ZFPM1: variants seen among roughly 807,000 people sequenced by gnomAD.
ZFPM1 encodes zinc finger protein, FOG family member 1.
In ZFPM1, 28 loss-of-function variants were observed where a neutral mutation model predicts 46.3. The ratio of observed to expected loss-of-function variants is 0.60; its 90% CI spans 0.45 to 0.83. ZFPM1 has a LOEUF of 0.83. Among genes scored for constraint, ZFPM1 ranks in the 40% least tolerant of loss-of-function variants. The pLI, the probability that ZFPM1 is intolerant of heterozygous loss-of-function variation, is 0.00. For synonymous variants in ZFPM1, 957 were observed against 675.9 expected (o/e 1.42, Z -6.45); for missense variants, 1,878 against 1,432.4 (o/e 1.31, Z -5.02).
At chr16:88,496,567 C>T (rs1268419509) in intron 3 of ZFPM1, among the ~76,000 whole-genome samples, 1 of 151,836 alleles carries the variant, frequency 6.6e-6, no homozygotes, top group Non-Finnish European at 1.5e-5. Context: ...CAGGGGGGCT[C>T]CCCTGGACCC....
chr16:88,533,530 G>A lies in ZFPM1; in HGVS notation c.1572G>A (p.Leu524=), dbSNP rs914767039. Residue 524 remains leucine, a synonymous_variant, in exon 10 of 10, where the codon CTG becomes CTA. Coordinates refer to ENST00000319555, the MANE Select transcript of ZFPM1 (RefSeq NM_153813.3). ...GCGAGCTGGGCCTGGCCGGGGCCCT[G>A]TTCCTTCCGCAGTACGTGTTCGGGC... ...VPGELGLAGA[L]FLPQYVFGPD... is the part of the protein sequence containing the mutation. The A allele has an allele frequency of 2.1e-6, 3 of 1,454,758 alleles. No individual in the cohort carries two copies. The highest frequency in any genetic ancestry group is 5.0e-5 in the Admixed American group (2 of 40,218). The allele number at this position is 1,454,758 out of a possible 1,614,324, so 90.1% of individuals were successfully genotyped here. A position where few individuals can be genotyped will look rare whatever the true frequency, so the allele number is the denominator to read the frequency against.
chr16:88,520,566 A>ACGGAAGGG (rs1567549972), intron 4 of ZFPM1, among the ~76,000 whole-genome samples: 1 of 120,516 alleles, frequency 8.3e-6, no homozygotes, highest in East Asian at 2.9e-4. Flanking sequence ...GGATGGATGG[A>ACGGAAGGG]TGGATGGATG....
At chr16:88,507,732 C>T (rs896768576) in intron 3 of ZFPM1, among the ~76,000 whole-genome samples, 33 of 152,294 alleles carry the variant, frequency 2.2e-4, no homozygotes, top group African/African-American at 7.7e-4. Context: ...GGGAAAGGCC[C>T]CCTGCAGAGA....
chr16:88,504,002 G>T (rs1910519199), intron 3 of ZFPM1, among the ~76,000 whole-genome samples: 1 of 152,088 alleles, frequency 6.6e-6, no homozygotes, highest in Non-Finnish European at 1.5e-5. Context: ...GCACCTGCCT[G>T]GGTGTCCATG....
Position 88,469,822 on chromosome 16 carries a change from C to G in ZFPM1, c.41-16117C>G, listed in dbSNP as rs1178957642. Among the ~76,000 whole-genome samples, 1 of 152,006 alleles carries G rather than the reference C, an allele frequency of 6.6e-6. No homozygotes were observed. The highest frequency in any genetic ancestry group is 1.9e-4 in the East Asian group (1 of 5,170). Reference sequence around the variant, plus strand: ...GTAGGGAGGGGCCGTCCGACCAGAACCAGACATCACCTTGGCCAGGGCCCC... The same window carrying G: ...GTAGGGAGGGGCCGTCCGACCAGAAGCAGACATCACCTTGGCCAGGGCCCC... On this transcript the variant is annotated intron_variant, in intron 1 of 9. Coordinates refer to ENST00000319555, the MANE Select transcript of ZFPM1 (RefSeq NM_153813.3). This position sits in a 1 kb window ranked among gnomAD's most constrained non-coding sequence, Gnocchi z 4.3.
intron 5 of ZFPM1, 39 bp from the exon 6 acceptor site, chr16:88,527,993 G>A (rs1282464266): frequency 1.3e-6 from 2 of 1,495,520 alleles, no homozygotes; most frequent in Non-Finnish European, 1.8e-6. Flanking sequence ...AGGGAAGTGG[G>A]GCACAAAGTC....
intron 1 of ZFPM1, among the ~76,000 whole-genome samples, chr16:88,455,232 C>T (rs1172589436): frequency 3.3e-5 from 5 of 151,688 alleles, no homozygotes; most frequent in Admixed American, 6.6e-5. Context: ...AGGTTGGAAA[C>T]CGATCTCCAG....
At chr16:88,516,634 C>T (rs1001312288) in intron 4 of ZFPM1, 7 of 398,560 alleles carry the variant, frequency 1.8e-5, no homozygotes, top group East Asian at 3.6e-5. Context: ...AAGATATGCA[C>T]GCCTTTCCGA....
intron 1 of ZFPM1, among the ~76,000 whole-genome samples, chr16:88,476,498 A>G (rs954097126): frequency 6.6e-6 from 1 of 151,862 alleles, no homozygotes; most frequent in Non-Finnish European, 1.5e-5. Flanking sequence ...GAGAGGGCCG[A>G]GCAGGTGCCT....
intron 1 of ZFPM1, among the ~76,000 whole-genome samples, chr16:88,485,171 G>A (rs538406754): frequency 3.9e-5 from 6 of 152,286 alleles, no homozygotes; most frequent in South Asian, 4.1e-4. Flanking sequence ...TGGCGACGGC[G>A]ACCCTCAGGG....
intron 1 of ZFPM1, among the ~76,000 whole-genome samples, chr16:88,483,493 G>A (rs1442392153): frequency 6.6e-6 from 1 of 152,154 alleles, no homozygotes; most frequent in African/African-American, 2.4e-5. Flanking sequence ...GTCTTCTCAG[G>A]GGCTGGTCTC....
intron 1 of ZFPM1, among the ~76,000 whole-genome samples, chr16:88,474,730 C>T (rs754104378): frequency 1.3e-5 from 2 of 152,220 alleles, no homozygotes; most frequent in Non-Finnish European, 2.9e-5. Flanking sequence ...CTGTCCGAGC[C>T]TCCGCGGCAT....
At chr16:88,524,978 T>C (rs1195277587) in intron 4 of ZFPM1, among the ~76,000 whole-genome samples, 1 of 152,186 alleles carries the variant, frequency 6.6e-6, no homozygotes, top group Non-Finnish European at 1.5e-5. Flanking sequence ...TGCTCACCCG[T>C]TCTGTGGCTG....
At chr16:88,489,709 C>G (rs549628445) in intron 3 of ZFPM1, among the ~76,000 whole-genome samples, 1 of 152,202 alleles carries the variant, frequency 6.6e-6, no homozygotes, top group Non-Finnish European at 1.5e-5. Flanking sequence ...GACTCTGCTC[C>G]GTGATTTGCA....
chr16:88,509,362 T>C (rs2142418653), intron 3 of ZFPM1, among the ~76,000 whole-genome samples: 1 of 152,172 alleles, frequency 6.6e-6, no homozygotes, highest in Admixed American at 6.5e-5. Context: ...GATAAGTGGG[T>C]GCTGGGGTGA....
intron 1 of ZFPM1, chr16:88,468,933 G>A (rs56292801): frequency 0.29 from 44,928 of 153,874 alleles, 7,084 homozygotes; most frequent in East Asian, 0.57. Context: ...GCCTTTTAGG[G>A]GCCTCGCTGT....
chr16:88,468,979 T>A (rs747200516), intron 1 of ZFPM1: 1 of 154,200 alleles, frequency 6.5e-6, no homozygotes, highest in Non-Finnish European at 1.5e-5. Context: ...GGCCTCTGGA[T>A]GACCTGCCAA....
chr16:88,515,980 A>G, intron 4 of ZFPM1: 1 of 396,318 alleles, frequency 2.5e-6, no homozygotes, highest in African/African-American at 2.1e-5. Flanking sequence ...GAAAACCCAT[A>G]GGTAGAGACC....
At chr16:88,453,764 C>A in intron 1 of ZFPM1, 86 bp downstream of exon 1, 2 of 856,924 alleles carry the variant, frequency 2.3e-6, no homozygotes, top group Non-Finnish European at 2.9e-6. Flanking sequence ...CCCGTCCCCG[C>A]TCTGCCCTGG....
Sources: allele counts gnomAD v4.1 joint callset (sites outside exome capture counted in the v4.1 genomes callset), GRCh38; gene constraint gnomAD v4.1.1; non-coding constraint Gnocchi (gnomAD v3.1); transcripts MANE v1.5; gene names NCBI Gene and HGNC (gene_info 2026-07-23, HGNC 2026-07-21).